The following ANK1 variants were observed in gnomAD, a reference collection of about 807,000 sequenced individuals.
The protein encoded by ANK1 is ankyrin-1.
A neutral mutation model predicts 210.4 loss-of-function variants in ANK1; 51 were observed. The observed-to-expected ratio is 0.24, with a 90% CI of 0.19 to 0.31. The LOEUF is 0.31. Ranked by LOEUF, ANK1 falls within the 10% of genes least tolerant of loss-of-function variation. ANK1 has a pLI of 1.00. For missense variants in ANK1, 2,051 were observed against 2,504.4 expected (o/e 0.82, Z 3.86); for synonymous variants, 967 against 1,025.9 (o/e 0.94, Z 1.10).
intron 35 of ANK1, among the ~76,000 whole-genome samples, chr8:41,687,769 T>C (rs963290978): frequency 2.0e-5 from 3 of 152,224 alleles, no homozygotes; most frequent in Non-Finnish European, 1.5e-5. Flanking sequence ...TTCTGAGCCT[T>C]CACTTTATTT....
At chr8:41,798,977 G>A (rs1256262882), upstream of ANK1, among the ~76,000 whole-genome samples, 4 of 152,110 alleles carry the variant, frequency 2.6e-5, no homozygotes, top group Middle Eastern at 6.8e-3. Flanking sequence ...TTCATGACCC[G>A]TCTGTGTTTT....
intron 1 of ANK1, among the ~76,000 whole-genome samples, chr8:41,769,977 C>T (rs10650537): frequency 4.9e-3 from 424 of 86,610 alleles, no homozygotes; most frequent in African/African-American, 9.1e-3. Context: ...TTTCTTTTTT[C>T]TTTTTTTTTT....
chr8:41,689,128 T>C (rs548744231), intron 33 of ANK1, among the ~76,000 whole-genome samples: 1 of 152,294 alleles, frequency 6.6e-6, no homozygotes, highest in East Asian at 1.9e-4. Flanking sequence ...CTCTCTCTTT[T>C]TTTTTAAGAG....
intron 42 of ANK1, 71 bp from the exon 43 acceptor site, chr8:41,655,824 CAG>C: frequency 1.9e-6 from 3 of 1,540,506 alleles, no homozygotes; most frequent in African/African-American, 2.7e-5. Flanking sequence ...ACCCCACACA[CAG>C]AGTTTTGTGC....
chr8:41,662,796 A>C (rs2150546142), intron 40 of ANK1, among the ~76,000 whole-genome samples: 1 of 152,220 alleles, frequency 6.6e-6, no homozygotes, highest in Middle Eastern at 3.4e-3. Context: ...AGCACATTCG[A>C]GATCCTGCCT....
chr8:41,806,008 AG>A (rs1850914541), intron 1 of ANK1, among the ~76,000 whole-genome samples: 1 of 152,256 alleles, frequency 6.6e-6, no homozygotes, highest in African/African-American at 2.4e-5. Context: ...GGAATCACAA[AG>A]AATATTAATG....
In ANK1 at chr8:41,725,953, A is replaced by G. The variant is rs975929836; in HGVS notation, c.427-7T>C. 1.9e-6 allele frequency: 3 copies of G among 1,612,756 alleles called. No homozygotes were observed. Among genetic ancestry groups the G allele is most frequent in the Admixed American group, 3.3e-5 (2 of 59,970 alleles). ...CCAGAGGCGTGAAGCCGTCCTGGCCAGAGGAGGAAAATGCTTTGCTCTGAC... is the reference window on the plus strand; with the variant it reads ...CCAGAGGCGTGAAGCCGTCCTGGCCGGAGGAGGAAAATGCTTTGCTCTGAC... On this transcript the variant is annotated splice_region_variant and splice_polypyrimidine_tract_variant and intron_variant, in intron 5 of 42. Coordinates refer to ENST00000289734, the MANE Select transcript of ANK1 (RefSeq NM_000037.4).
chr8:41,663,114 C>CTGTGTGTG (rs56138651), intron 40 of ANK1, among the ~76,000 whole-genome samples: 2,008 of 145,212 alleles, frequency 0.014, 23 homozygotes, highest in Non-Finnish European at 0.017. Flanking sequence ...CTCTCTCTCT[C>CTGTGTGTG]TGTGTGTGTG....
At chr8:41,700,665 C>T (rs1421632729) in intron 22 of ANK1, among the ~76,000 whole-genome samples, 2 of 152,188 alleles carry the variant, frequency 1.3e-5, no homozygotes, top group Non-Finnish European at 2.9e-5. Context: ...TCCTACTACT[C>T]AACATCCCCA....
intron 17 of ANK1, 73 bp downstream of exon 17, chr8:41,708,705 T>A: frequency 6.5e-7 from 1 of 1,549,364 alleles, no homozygotes; most frequent in Admixed American, 1.7e-5. Context: ...TGGGCACACA[T>A]AGATGCTCAA....
chr8:41,830,876 A>G (rs1806474070), intron 1 of ANK1, among the ~76,000 whole-genome samples: 1 of 152,216 alleles, frequency 6.6e-6, no homozygotes, highest in Non-Finnish European at 1.5e-5. Flanking sequence ...TAATACTGTC[A>G]TAACCTTTGA....
chr8:41,856,051 G>A (rs1812123477), intron 1 of ANK1, among the ~76,000 whole-genome samples: 1 of 152,166 alleles, frequency 6.6e-6, no homozygotes, highest in Non-Finnish European at 1.5e-5. Context: ...AGAAGTCCAT[G>A]GATGAAATTC....
chr8:41,706,767 G>A (rs1346944110), intron 17 of ANK1, among the ~76,000 whole-genome samples: 1 of 152,212 alleles, frequency 6.6e-6, no homozygotes, highest in Non-Finnish European at 1.5e-5. Context: ...GAGGAGCGCT[G>A]GAGAAAGCAC....
At chr8:41,861,005 G>A (rs915387702) in intron 1 of ANK1, among the ~76,000 whole-genome samples, 1 of 152,154 alleles carries the variant, frequency 6.6e-6, no homozygotes, top group Non-Finnish European at 1.5e-5. Context: ...TAGAAAAACT[G>A]GCCCAAGTGA....
At chr8:41,874,149 G>C (rs925490569) in intron 1 of ANK1, among the ~76,000 whole-genome samples, 1 of 152,218 alleles carries the variant, frequency 6.6e-6, no homozygotes, top group Non-Finnish European at 1.5e-5. Context: ...TGGATGTCCC[G>C]CAGGTAGGTA....
In ANK1 at chr8:41,769,981, T is replaced by TC. The variant is rs971902140; in HGVS notation, c.28-11845_28-11844insG. 2.4e-5 allele frequency among the ~76,000 whole-genome samples: 3 copies of TC among 126,070 alleles called. No individual in the cohort carries two copies. In the East Asian group the frequency reaches 6.2e-4, roughly 26 times the overall value. The allele number at this position is 126,070 out of a possible 152,430, so 82.7% of individuals were successfully genotyped here. A position where few individuals can be genotyped will look rare whatever the true frequency, so the allele number is the denominator to read the frequency against. On this transcript the variant is annotated intron_variant, in intron 1 of 42. Transcript: ENST00000289734. ...CTTCTTTTTTTTTTCTTTTTTCTTT[T>TC]TTTTTTTTTTTTTTTTTGAGGAAGA...
At chr8:41,785,232 T>C (rs1451476159) in intron 1 of ANK1, among the ~76,000 whole-genome samples, 1 of 152,150 alleles carries the variant, frequency 6.6e-6, no homozygotes, top group Non-Finnish European at 1.5e-5. Context: ...GTGTGGTGCA[T>C]GACTATGGTC....
chr8:41,762,716 G>A (rs1342433674), intron 1 of ANK1, among the ~76,000 whole-genome samples: 2 of 152,314 alleles, frequency 1.3e-5, no homozygotes, highest in East Asian at 3.9e-4. Context: ...CAGAAAGTCT[G>A]TCTAGATTCA....
intron 1 of ANK1, among the ~76,000 whole-genome samples, chr8:41,879,483 T>A (rs1271624251): frequency 2.6e-5 from 4 of 152,350 alleles, no homozygotes; most frequent in Admixed American, 2.6e-4. Flanking sequence ...TGTGTAACGA[T>A]TCCCTCTCAA....
Sources: allele counts gnomAD v4.1 joint callset (sites outside exome capture counted in the v4.1 genomes callset), GRCh38; gene constraint gnomAD v4.1.1; transcripts MANE v1.5; gene names NCBI Gene and HGNC (gene_info 2026-07-23, HGNC 2026-07-21).